SMC2: variants seen among roughly 807,000 people sequenced by gnomAD.
SMC2 encodes the protein structural maintenance of chromosomes 2.
In SMC2, 41 loss-of-function variants were observed where a neutral mutation model predicts 142.6. The ratio of observed to expected loss-of-function variants is 0.29; its 90% CI spans 0.22 to 0.37. SMC2 has a LOEUF of 0.37. Among genes scored for constraint, SMC2 ranks in the 10% least tolerant of loss-of-function variants. The pLI is 1.00. For missense variants in SMC2, 1,265 were observed against 1,373.7 expected, an observed-to-expected ratio of 0.92 and a Z score of 1.25; for synonymous variants, 463 against 457.5, an observed-to-expected ratio of 1.01 and a Z score of -0.15.
In SMC2 at chr9:104,094,483, G is replaced by A. The variant is rs935824985; in HGVS notation, c.-62+6G>A. The A allele has an allele frequency of 3.0e-5, 12 of 397,320 alleles. No homozygotes were observed. Among genetic ancestry groups the A allele is most frequent in the Non-Finnish European group, 4.4e-5 (10 of 225,412 alleles). The allele number at this position is 397,320 out of a possible 1,614,324, so 24.6% of individuals were successfully genotyped here. A position where few individuals can be genotyped will look rare whatever the true frequency, so the allele number is the denominator to read the frequency against. ...GCCCCTGGCCTGAGGCAGCGGTGAG[G>A]CGTGTGCGTGAGCACGGCCGGTTGG... On this transcript the variant is annotated splice_donor_region_variant and intron_variant, in intron 1 of 24. Transcript: ENST00000374793.
At chr9:104,103,232 C>A (rs1322940796) in intron 9 of SMC2, among the ~76,000 whole-genome samples, 1 of 151,934 alleles carries the variant, frequency 6.6e-6, no homozygotes, top group African/African-American at 2.4e-5. Flanking sequence ...GTAAATTGTC[C>A]TGGAGTCCAG....
intron 9 of SMC2, among the ~76,000 whole-genome samples, chr9:104,109,510 A>G (rs745775846): frequency 6.6e-6 from 1 of 152,202 alleles, no homozygotes; most frequent in Admixed American, 6.5e-5. Context: ...TTGCCACTCT[A>G]TAGTCTGTTC....
At position 104,140,271 on chromosome 9, in the gene SMC2, T is replaced by A. The variant is rs1835951189; in HGVS notation, c.*956T>A. The stretch of plus-strand genomic sequence containing the variant: ...CCACCAAAATAACTCAAAAGTTGGA[T>A]GATTATTTGTCTTCCGCTTTCCAGT... On this transcript the variant is annotated 3_prime_UTR_variant, in exon 25 of 25. Transcript: ENST00000374793. 6.6e-6 allele frequency: 1 copy of A among 152,096 alleles called. No homozygotes were observed. The highest frequency in any genetic ancestry group is 1.5e-5 in the Non-Finnish European group (1 of 67,998). The allele number at this position is 152,096 out of a possible 1,614,324, so 9.4% of individuals were successfully genotyped here.
At chr9:104,098,623 T>G in intron 4 of SMC2, 55 bp downstream of exon 4, 1 of 1,514,802 alleles carries the variant, frequency 6.6e-7, no homozygotes. Flanking sequence ...CATTTTTTAC[T>G]TTTAAGCAAT....
At chr9:104,124,244 A>C (rs1834032606) in intron 17 of SMC2, among the ~76,000 whole-genome samples, 1 of 151,876 alleles carries the variant, frequency 6.6e-6, no homozygotes, top group Admixed American at 6.6e-5. Flanking sequence ...GCATCACCAC[A>C]CCCAGCTAAT....
rs777009517 is a variant in SMC2 at position 104,095,343 on chromosome 9, TG to T, written c.-41del. Reference sequence around the variant, plus strand: ...GTACAGAACTGGTTTGTGGCCTGTTTGATTCCTGTCAGAGGTTTGCTGACCC... The same window carrying T: ...GTACAGAACTGGTTTGTGGCCTGTTTATTCCTGTCAGAGGTTTGCTGACCC... On this transcript the variant is annotated 5_prime_UTR_variant, in exon 2 of 25. Transcript: ENST00000374793. 1 of 1,562,762 alleles carries T rather than the reference TG, an allele frequency of 6.4e-7. No homozygotes were observed. The highest frequency in any genetic ancestry group is 1.4e-5 in the African/African-American group (1 of 73,892).
rs745947609 is a variant in SMC2 at position 104,116,230 on chromosome 9, G to C, written c.1702G>C (p.Glu568Gln). The C allele has an allele frequency of 6.2e-7, 1 of 1,603,514 alleles. No individual in the cohort carries two copies. Among genetic ancestry groups the C allele is most frequent in the Admixed American group, 1.7e-5 (1 of 57,676 alleles). The part of the protein sequence containing the change: ...VTGKKLLERG[E>Q]LKRRYTIIPL... ...TGGTAAAAAGCTACTAGAAAGGGGG[G>C]AACTGAAACGTCGATACACTATAAT... Residue 568 changes from glutamate (E) to glutamine (Q), a missense_variant, in exon 14 of 25, where the codon GAA becomes CAA. Coordinates refer to ENST00000374793, the MANE Select transcript of SMC2 (RefSeq NM_006444.3).
chr9:104,124,873 A>T lies in SMC2; in HGVS notation c.2258-39A>T, dbSNP rs756302199. ...AAAGTTGAATTTGTCAACCTTTACC[A>T]TTGTTAACTTAGCCACATTTGCTTA... On this transcript the variant is annotated intron_variant, in intron 17 of 24. Transcript: ENST00000374793. The T allele has an allele frequency of 3.3e-6, 5 of 1,497,558 alleles. No individual in the cohort carries two copies. In the South Asian group the frequency reaches 6.4e-5, roughly 19 times the overall value. 92.8% of individuals were successfully genotyped at this position (1,497,558 alleles called of 1,614,324 possible). A position where few individuals can be genotyped will look rare whatever the true frequency, so the allele number is the denominator to read the frequency against.
At chr9:104,119,964 T>G (rs2131446746) in intron 15 of SMC2, 63 bp from the exon 16 acceptor site, 3 of 1,498,504 alleles carry the variant, frequency 2.0e-6, no homozygotes, top group South Asian at 2.4e-5. Context: ...TTAGAAGACT[T>G]TTTATTGTGT....
intron 10 of SMC2, among the ~76,000 whole-genome samples, chr9:104,112,536 C>CTT (rs72438227): frequency 6.6e-6 from 1 of 152,038 alleles, no homozygotes; most frequent in Non-Finnish European, 1.5e-5. Flanking sequence ...AGGTTTTTCT[C>CTT]TTTATATATT....
At chr9:104,131,767 TATGG>T (rs566808696) in intron 21 of SMC2, among the ~76,000 whole-genome samples, 106 of 151,634 alleles carry the variant, frequency 7.0e-4, no homozygotes, top group South Asian at 1.5e-3. Flanking sequence ...GTTATATACA[TATGG>T]ATGATTTTAT....
chr9:104,139,028 CTATT>C (rs1387591752), intron 24 of SMC2, 107 bp from the exon 25 acceptor site: 2 of 619,182 alleles, frequency 3.2e-6, no homozygotes, highest in Non-Finnish European at 5.1e-6. Flanking sequence ...CCTCATATAA[CTATT>C]TAAAGAAATA....
At chr9:104,105,942 C>G (rs193182857) in intron 9 of SMC2, among the ~76,000 whole-genome samples, 2 of 152,278 alleles carry the variant, frequency 1.3e-5, no homozygotes, top group Admixed American at 6.5e-5. Flanking sequence ...GGTTAGTGCT[C>G]CCACCTAACA....
chr9:104,127,279 GTT>G lies in SMC2; in HGVS notation c.2596-4_2596-3del. The G allele has an allele frequency of 6.5e-7, 1 of 1,548,494 alleles. No homozygotes were observed. The highest frequency in any genetic ancestry group is 8.7e-7 in the Non-Finnish European group (1 of 1,147,834). ...ACCACATATTTTCTTTAATTTTTTT[GTT>G]TTAGGAGTCAGTAAATAAAGCTCAA... On this transcript the variant is annotated splice_polypyrimidine_tract_variant and splice_region_variant and intron_variant, in intron 19 of 24. Transcript: ENST00000374793.
In SMC2 at chr9:104,096,254, C is replaced by T; in HGVS notation, c.275C>T (p.Pro92Leu). 1 of 1,614,114 alleles carries T rather than the reference C, an allele frequency of 6.2e-7. No homozygotes were observed. The highest frequency in any genetic ancestry group is 8.5e-7 in the Non-Finnish European group (1 of 1,179,956). ...GATAATTCTGACAAAAAGCAAAGTC[C>T]TTTAGGATTTGAGGTTCATGATGAA... ...TFDNSDKKQS[P>L]LGFEVHDEIT... The change falls in exon 3 of 25, where the codon CCT becomes CTT. Residue 92 changes from proline (P) to leucine (L), a missense_variant. Pro to Leu is a moderately conservative substitution (Grantham distance 98). This residue lies in a region of SMC2 where 168 missense variants were observed against 184.8 expected (regional missense o/e 0.91). Transcript: ENST00000374793.
Position 104,114,732 on chromosome 9 carries a change from T to A in SMC2, c.1574T>A (p.Leu525His), listed in dbSNP as rs770031875. Residue 525 changes from leucine (L) to histidine (H), a missense_variant, in exon 13 of 25, where the codon CTT (leucine) becomes CAT (histidine). By Grantham distance (99) the Leu-to-His change is moderately conservative. This residue lies in a region of SMC2 where 898 missense variants were observed against 904.2 expected (regional missense o/e 0.99). Transcript: ENST00000374793. ...KNWNRNCVKG[L>H]VASLISVKDT... Reference sequence around the variant, plus strand: ...TGGAATAGAAATTGTGTGAAAGGACTTGTGGCTTCTCTGATTAGTGTGAAA... The same window carrying A: ...TGGAATAGAAATTGTGTGAAAGGACATGTGGCTTCTCTGATTAGTGTGAAA... The A allele has an allele frequency of 7.4e-6, 12 of 1,613,014 alleles. No homozygotes were observed. Among genetic ancestry groups the A allele is most frequent in the Non-Finnish European group, 9.3e-6 (11 of 1,179,370 alleles).
intron 3 of SMC2, among the ~76,000 whole-genome samples, chr9:104,097,845 A>T (rs985217653): frequency 1.5e-4 from 23 of 150,882 alleles, no homozygotes; most frequent in Admixed American, 1.3e-3. Context: ...CAGTTAGAAG[A>T]ATGAGAAACA....
chr9:104,102,791 A>G (rs907695065), intron 9 of SMC2, among the ~76,000 whole-genome samples: 3 of 152,164 alleles, frequency 2.0e-5, no homozygotes, highest in African/African-American at 7.2e-5. Flanking sequence ...TAAATAAAAC[A>G]TGTAACATGT....
upstream of SMC2, among the ~76,000 whole-genome samples, chr9:104,094,068 G>T (rs1029912859): frequency 6.6e-6 from 1 of 152,040 alleles, no homozygotes; most frequent in African/African-American, 2.4e-5. Context: ...CGGGGCCGAG[G>T]TGTGGGGCTG....
Sources: allele counts gnomAD v4.1 joint callset (sites outside exome capture counted in the v4.1 genomes callset), GRCh38; gene constraint gnomAD v4.1.1; regional missense constraint gnomAD v4.1.1; transcripts MANE v1.5; gene names NCBI Gene and HGNC (gene_info 2026-07-23, HGNC 2026-07-21).